LMBRD1: variants seen among roughly 807,000 people sequenced by gnomAD.
The protein encoded by LMBRD1 is lysosomal cobalamin transport escort protein LMBD1.
Under a neutral mutation model 74.8 loss-of-function variants are expected in LMBRD1, and 64 were observed. The observed-to-expected ratio is 0.86, with a 90% CI of 0.70 to 1.05. LMBRD1 has a LOEUF of 1.05. Among genes scored for constraint, LMBRD1 ranks in the 50% least tolerant of loss-of-function variants. The pLI, the probability that LMBRD1 is intolerant of heterozygous loss-of-function variation, is 0.00. For missense variants in LMBRD1, 652 were observed against 645.9 expected, an observed-to-expected ratio of 1.01 and a Z score of -0.10; for synonymous variants, 204 against 216.3, an observed-to-expected ratio of 0.94 and a Z score of 0.50.
intron 13 of LMBRD1, among the ~76,000 whole-genome samples, chr6:69,698,368 TC>T (rs2149843071): frequency 6.6e-6 from 1 of 152,042 alleles, no homozygotes; most frequent in Non-Finnish European, 1.5e-5. Context: ...CATGAAAGAC[TC>T]CACTAAAGCA....
chr6:69,744,030 AATATAG>A (rs1767164383), intron 5 of LMBRD1, among the ~76,000 whole-genome samples: 1 of 152,250 alleles, frequency 6.6e-6, no homozygotes, highest in Non-Finnish European at 1.5e-5. Flanking sequence ...ATAAAGTTAT[AATATAG>A]ATATATCAGT....
chr6:69,676,346 G>A, intron 15 of LMBRD1, 75 bp from the exon 16 acceptor site: 1 of 1,579,192 alleles, frequency 6.3e-7, no homozygotes, highest in Non-Finnish European at 8.7e-7. Context: ...AAAATTCAAT[G>A]ACAGTACTAT....
In LMBRD1 at chr6:69,729,555, G is replaced by A. The variant is rs908599830; in HGVS notation, c.636+8387C>T. ...TAATTTCTCCAAGAAGATAATAATT[G>A]ACCAATAAGCTTTTAGGAAGAGACA... On this transcript the variant is annotated intron_variant, in intron 7 of 15. Coordinates refer to ENST00000649934, the MANE Select transcript of LMBRD1 (RefSeq NM_018368.4). Among the ~76,000 whole-genome samples, 8 of 151,790 alleles carry A rather than the reference G, an allele frequency of 5.3e-5. No individual in the cohort carries two copies. The East Asian group carries it at 1.5e-3, about 29-fold the overall frequency.
chr6:69,679,282 A>G (rs1172764530), intron 14 of LMBRD1, among the ~76,000 whole-genome samples: 2 of 152,136 alleles, frequency 1.3e-5, no homozygotes, highest in African/African-American at 4.8e-5. Flanking sequence ...TCTGTCTCCT[A>G]TAGTTACCAT....
At chr6:69,697,672 A>C (rs763272004) in intron 13 of LMBRD1, 31 bp from the exon 14 acceptor site, 2 of 1,263,120 alleles carry the variant, frequency 1.6e-6, no homozygotes, top group Non-Finnish European at 2.3e-6. Context: ...TAAAATATAA[A>C]AACCGCATTA....
intron 9 of LMBRD1, among the ~76,000 whole-genome samples, chr6:69,706,774 T>C (rs985985043): frequency 2.6e-5 from 4 of 152,194 alleles, no homozygotes; most frequent in South Asian, 4.1e-4. Context: ...AACTGGTACA[T>C]AGATAACCAC....
At chr6:69,704,363 G>C (rs542174260) in intron 9 of LMBRD1, among the ~76,000 whole-genome samples, 3 of 152,018 alleles carry the variant, frequency 2.0e-5, no homozygotes, top group Non-Finnish European at 2.9e-5. Context: ...TTCTACTGTA[G>C]GGAAGAGGTT....
chr6:69,795,942 G>T (rs1046980649), intron 1 of LMBRD1, among the ~76,000 whole-genome samples: 5 of 152,166 alleles, frequency 3.3e-5, no homozygotes, highest in African/African-American at 1.2e-4. Context: ...GTCAAAATAC[G>T]TGAGAACAGA....
In LMBRD1 at chr6:69,676,545, T is replaced by C. The variant is rs1251252379; in HGVS notation, c.1418-4A>G. On this transcript the variant is annotated splice_polypyrimidine_tract_variant and splice_region_variant and intron_variant, in intron 14 of 15. Transcript: ENST00000649934. Reference sequence around the variant, plus strand: ...GTCCGGGTAACAGTACACTGATCTGTGAAAGCAAATAAAAGACTATGGTGA... The same window carrying C: ...GTCCGGGTAACAGTACACTGATCTGCGAAAGCAAATAAAAGACTATGGTGA... 2 of 1,602,842 alleles carry C rather than the reference T, an allele frequency of 1.2e-6. No individual in the cohort carries two copies. Among genetic ancestry groups the C allele is most frequent in the Non-Finnish European group, 1.7e-6 (2 of 1,170,096 alleles).
chr6:69,751,390 G>GA (rs1765145787), intron 4 of LMBRD1, among the ~76,000 whole-genome samples: 1 of 151,746 alleles, frequency 6.6e-6, no homozygotes, highest in Non-Finnish European at 1.5e-5. Flanking sequence ...GCAGTGGAGT[G>GA]ATCTCGGCTC....
Position 69,713,639 on chromosome 6 carries a change from A to G in LMBRD1, c.915+6T>C, listed in dbSNP as rs1207623266. 2 of 1,613,090 alleles carry G rather than the reference A, an allele frequency of 1.2e-6. No individual in the cohort carries two copies. Among genetic ancestry groups the G allele is most frequent in the East Asian group, 4.5e-5 (2 of 44,860 alleles). Reference sequence around the variant, plus strand: ...TGACAGCATAATTTTTAAAAACTTCATTTACCTTCAGGGGACGCAGAGCGC... The same window carrying G: ...TGACAGCATAATTTTTAAAAACTTCGTTTACCTTCAGGGGACGCAGAGCGC... On this transcript the variant is annotated splice_donor_region_variant and intron_variant, in intron 9 of 15. Coordinates refer to ENST00000649934, the MANE Select transcript of LMBRD1 (RefSeq NM_018368.4).
At chr6:69,757,123 G>T (rs894985489) in intron 3 of LMBRD1, among the ~76,000 whole-genome samples, 11 of 152,106 alleles carry the variant, frequency 7.2e-5, no homozygotes, top group Non-Finnish European at 1.6e-4. Flanking sequence ...CATAAAAGAC[G>T]ATCACACAGC....
intron 2 of LMBRD1, among the ~76,000 whole-genome samples, chr6:69,783,545 T>C (rs1437612448): frequency 1.3e-5 from 2 of 152,126 alleles, no homozygotes; most frequent in Non-Finnish European, 2.9e-5. Flanking sequence ...CAGCTAATTT[T>C]TGTATTTTTT....
intron 1 of LMBRD1, among the ~76,000 whole-genome samples, chr6:69,791,872 A>G (rs922869250): frequency 2.6e-5 from 4 of 152,204 alleles, no homozygotes; most frequent in African/African-American, 9.6e-5. Flanking sequence ...CTAAGGGCTA[A>G]TAAGACCCTG....
intron 7 of LMBRD1, among the ~76,000 whole-genome samples, chr6:69,724,229 T>C (rs1211272009): frequency 1.3e-5 from 2 of 150,788 alleles, no homozygotes; most frequent in Non-Finnish European, 3.0e-5. Context: ...CCGAATTCTA[T>C]CAAACATTTA....
chr6:69,677,098 T>C (rs1765561742), intron 14 of LMBRD1, among the ~76,000 whole-genome samples: 1 of 152,122 alleles, frequency 6.6e-6, no homozygotes, highest in African/African-American at 2.4e-5. Flanking sequence ...GCTTCAGAAA[T>C]GAAGACTCAA....
intron 14 of LMBRD1, among the ~76,000 whole-genome samples, chr6:69,695,388 G>T (rs1284225775): frequency 6.6e-6 from 1 of 151,446 alleles, no homozygotes; most frequent in African/African-American, 2.4e-5. Flanking sequence ...TGATTATCCT[G>T]GGTTCCAGTG....
intron 9 of LMBRD1, among the ~76,000 whole-genome samples, chr6:69,713,326 A>G (rs1766422488): frequency 6.6e-6 from 1 of 152,148 alleles, no homozygotes; most frequent in Non-Finnish European, 1.5e-5. Flanking sequence ...CTACTAGGAG[A>G]AAGCATAGGC....
At chr6:69,725,860 G>T (rs9454878) in intron 7 of LMBRD1, among the ~76,000 whole-genome samples, 1,555 of 152,174 alleles carry the variant, frequency 0.01, 35 homozygotes, top group African/African-American at 0.033. Flanking sequence ...AGAAGTACAG[G>T]CAACCAAAGC....
Sources: gnomAD v4.1 joint callset for allele counts (sites outside exome capture counted in the v4.1 genomes callset) on GRCh38, gnomAD v4.1.1 for gene constraint, MANE v1.5 for transcripts, NCBI Gene and HGNC (gene_info 2026-07-23, HGNC 2026-07-21) for gene names.